Variants in CFDP1 observed in about 807,000 individuals in gnomAD.
CFDP1 encodes the protein chromatin remodeling protein CFDP1, also known as heterochromatin-stabilizing protein CFDP1.
A neutral mutation model predicts 40.1 loss-of-function variants in CFDP1; 31 were observed. That is an observed-to-expected ratio of 0.77 (90% confidence interval 0.58 to 1.04). The LOEUF (loss-of-function observed/expected upper bound fraction) is 1.04, where lower values mean the gene tolerates loss of function less well. Among genes scored for constraint, CFDP1 ranks in the 50% least tolerant of loss-of-function variants. The pLI is 0.00. For synonymous variants in CFDP1, 167 were observed against 120.0 expected (o/e 1.39, Z -2.56); for missense variants, 423 against 343.4 (o/e 1.23, Z -1.83).
intron 5 of CFDP1, among the ~76,000 whole-genome samples, chr16:75,346,671 G>A (rs573653824): frequency 2.9e-5 from 4 of 139,886 alleles, no homozygotes; most frequent in South Asian, 2.3e-4. Context: ...TTATATAATC[G>A]ATATTGGATA....
chr16:75,419,769 A>T (rs2079255678), intron 1 of CFDP1, among the ~76,000 whole-genome samples: 1 of 152,206 alleles, frequency 6.6e-6, no homozygotes, highest in Admixed American at 6.5e-5. Context: ...TGGCAACATC[A>T]GGAAGTTACT....
chr16:75,319,412 C>A (rs1182219306), intron 5 of CFDP1, among the ~76,000 whole-genome samples: 1 of 152,174 alleles, frequency 6.6e-6, no homozygotes, highest in South Asian at 2.1e-4. Context: ...TTGGACACAG[C>A]TGTGATCCTT....
intron 5 of CFDP1, among the ~76,000 whole-genome samples, chr16:75,352,762 C>T (rs1020449841): frequency 6.6e-6 from 1 of 152,066 alleles, no homozygotes; most frequent in Non-Finnish European, 1.5e-5. Context: ...TGATAAACTA[C>T]ATAAGATATT....
At chr16:75,422,032 G>A (rs1031557566) in intron 1 of CFDP1, among the ~76,000 whole-genome samples, 13 of 152,162 alleles carry the variant, frequency 8.5e-5, no homozygotes, top group African/African-American at 2.7e-4. Flanking sequence ...TAATGACAAG[G>A]AAAAAAGTTT....
chr16:75,423,480 T>C (rs2032123729), intron 1 of CFDP1, among the ~76,000 whole-genome samples: 1 of 151,924 alleles, frequency 6.6e-6, no homozygotes, highest in Admixed American at 6.6e-5. Context: ...TTTGTATTTT[T>C]AGTAGAGACT....
intron 5 of CFDP1, among the ~76,000 whole-genome samples, chr16:75,308,295 T>A (rs1242681236): frequency 6.6e-6 from 1 of 152,176 alleles, no homozygotes; most frequent in African/African-American, 2.4e-5. Context: ...GGCCTTGGAA[T>A]TGTACTCTTA....
chr16:75,384,109 T>A (rs1300208886), intron 5 of CFDP1, among the ~76,000 whole-genome samples: 1 of 152,160 alleles, frequency 6.6e-6, no homozygotes, highest in African/African-American at 2.4e-5. Context: ...ACATCTGTAA[T>A]CCTAGCACTT....
intron 1 of CFDP1, among the ~76,000 whole-genome samples, chr16:75,418,431 C>T (rs1336437288): frequency 3.3e-5 from 5 of 151,432 alleles, no homozygotes; most frequent in African/African-American, 4.8e-5. Flanking sequence ...CTCAGCCTCC[C>T]GTGTAGGTGG....
intron 5 of CFDP1, among the ~76,000 whole-genome samples, chr16:75,316,954 C>G (rs2078327192): frequency 6.6e-6 from 1 of 152,090 alleles, no homozygotes; most frequent in South Asian, 2.1e-4. Flanking sequence ...GCACTCCAGC[C>G]TGGGCGACAA....
chr16:75,303,399 A>AAATAAATG lies in CFDP1; in HGVS notation c.809+1624_809+1625insCATTTATT, dbSNP rs1227886591. Among the ~76,000 whole-genome samples, 5 of 45,420 alleles carry AAATAAATG rather than the reference A, an allele frequency of 1.1e-4. 1 individual carries two copies. Among genetic ancestry groups the AAATAAATG allele is most frequent in the Admixed American group, 7.7e-4 (2 of 2,600 alleles). 29.8% of individuals were successfully genotyped at this position (45,420 alleles called of 152,430 possible). ...TAAATAAATAAATAAATAAATAAAT[A>AAATAAATG]AATGTATGTATGTATGTATGTATGT... On this transcript the variant is annotated intron_variant, in intron 6 of 6. Transcript: ENST00000283882.
chr16:75,327,892 T>A (rs1172451472), intron 5 of CFDP1, among the ~76,000 whole-genome samples: 2 of 152,012 alleles, frequency 1.3e-5, no homozygotes, highest in African/African-American at 2.4e-5. Flanking sequence ...CCTGGCTAAT[T>A]TTTTTGCGTG....
intron 4 of CFDP1, among the ~76,000 whole-genome samples, chr16:75,410,918 A>G (rs964068854): frequency 2.7e-5 from 4 of 149,032 alleles, no homozygotes; most frequent in African/African-American, 9.9e-5. Context: ...CAAAAAAAAA[A>G]AAAAAAAAGA....
At chr16:75,424,521 T>C (rs898370103) in intron 1 of CFDP1, among the ~76,000 whole-genome samples, 4 of 152,102 alleles carry the variant, frequency 2.6e-5, no homozygotes, top group African/African-American at 7.2e-5. Flanking sequence ...TTTGGGAGGC[T>C]GAGGCGGGCG....
intron 1 of CFDP1, among the ~76,000 whole-genome samples, chr16:75,431,410 C>T (rs2079413441): frequency 7.4e-6 from 1 of 134,528 alleles, no homozygotes; most frequent in Admixed American, 8.8e-5. Context: ...GACGAGATCC[C>T]GCTACTGCAC....
At chr16:75,312,478 T>A (rs1156957316) in intron 5 of CFDP1, among the ~76,000 whole-genome samples, 2 of 152,240 alleles carry the variant, frequency 1.3e-5, no homozygotes, top group Non-Finnish European at 2.9e-5. Flanking sequence ...ACCTTTTTTT[T>A]ATACAAATAG....
chr16:75,417,419 T>C (rs2079219731), intron 1 of CFDP1, among the ~76,000 whole-genome samples: 1 of 152,050 alleles, frequency 6.6e-6, no homozygotes, highest in Non-Finnish European at 1.5e-5. Flanking sequence ...TTTCTATGTA[T>C]TTACCTCCAA....
At chr16:75,300,055 C>T (rs1253595700) in intron 6 of CFDP1, among the ~76,000 whole-genome samples, 2 of 151,974 alleles carry the variant, frequency 1.3e-5, no homozygotes, top group East Asian at 1.9e-4. Flanking sequence ...GGGGGTGTTC[C>T]GCAGGGAAGA....
At chr16:75,347,354 A>C (rs1251017811) in intron 5 of CFDP1, among the ~76,000 whole-genome samples, 1 of 87,086 alleles carries the variant, frequency 1.1e-5, no homozygotes, top group Admixed American at 9.3e-5. Context: ...AAAAAAAAAA[A>C]AAAAAAAAAA....
At chr16:75,385,374 C>A (rs2078887788) in intron 5 of CFDP1, among the ~76,000 whole-genome samples, 1 of 152,040 alleles carries the variant, frequency 6.6e-6, no homozygotes, top group Non-Finnish European at 1.5e-5. Context: ...ACTTTCACTG[C>A]CTTCTCTCCG....
Sources: allele counts gnomAD v4.1 joint callset (sites outside exome capture counted in the v4.1 genomes callset), GRCh38; gene constraint gnomAD v4.1.1; transcripts MANE v1.5; gene names NCBI Gene and HGNC (gene_info 2026-07-23, HGNC 2026-07-21).